The following ATL2 variants were observed in gnomAD, a reference collection of about 807,000 sequenced individuals.
The protein encoded by ATL2 is atlastin GTPase 2.
Under a neutral mutation model 73.9 loss-of-function variants are expected in ATL2, and 31 were observed. The ratio of observed to expected loss-of-function variants is 0.42; its 90% confidence interval spans 0.32 to 0.57. The LOEUF (loss-of-function observed/expected upper bound fraction) is 0.57. Among genes scored for constraint, ATL2 ranks in the 20% least tolerant of loss-of-function variants. ATL2 has a pLI of 0.14. For missense variants in ATL2, 738 were observed against 702.6 expected, an observed-to-expected ratio of 1.05 and a Z score of -0.57; for synonymous variants, 291 against 237.5, an observed-to-expected ratio of 1.23 and a Z score of -2.07.
rs1052518881 is a variant in ATL2 at position 38,339,828 on chromosome 2, T to A, written c.363+3440A>T. 1.2e-4 allele frequency among the ~76,000 whole-genome samples: 19 copies of A among 152,112 alleles called. No individual in the cohort carries two copies. In the East Asian group the frequency reaches 3.3e-3, roughly 26 times the overall value. On this transcript the variant is annotated intron_variant, in intron 2 of 12. Transcript: ENST00000378954. Reference sequence around the variant, plus strand: ...GCCTCAGCCTCCCAAGTAACTGGGATTACAGGTGCATGCCACCGCGCCCAG... The same window carrying A: ...GCCTCAGCCTCCCAAGTAACTGGGAATACAGGTGCATGCCACCGCGCCCAG...
intron 9 of ATL2, among the ~76,000 whole-genome samples, chr2:38,304,395 G>A (rs969072072): frequency 6.6e-6 from 1 of 152,218 alleles, no homozygotes; most frequent in Non-Finnish European, 1.5e-5. Flanking sequence ...AAATGTTAAA[G>A]AGAGTTCTTC....
intron 1 of ATL2, among the ~76,000 whole-genome samples, chr2:38,353,697 T>A (rs1439590595): frequency 6.6e-6 from 1 of 152,214 alleles, no homozygotes; most frequent in Non-Finnish European, 1.5e-5. Context: ...CAAGTAATTA[T>A]TGTATAGTTA....
chr2:38,356,626 G>C (rs1417758908), intron 1 of ATL2, among the ~76,000 whole-genome samples: 1 of 152,270 alleles, frequency 6.6e-6, no homozygotes, highest in Admixed American at 6.5e-5. Flanking sequence ...TGAAAAAGTA[G>C]ACATGTATAA....
At chr2:38,341,366 G>A (rs1334061697) in intron 2 of ATL2, among the ~76,000 whole-genome samples, 2 of 152,136 alleles carry the variant, frequency 1.3e-5, no homozygotes, top group Admixed American at 1.3e-4. Flanking sequence ...GCTGAGCATG[G>A]TGGCTCATAC....
chr2:38,357,284 C>T (rs1558447716), intron 1 of ATL2, among the ~76,000 whole-genome samples: 3 of 151,934 alleles, frequency 2.0e-5, no homozygotes, highest in Non-Finnish European at 2.9e-5. Context: ...GCCAAGATCA[C>T]GCCACTGCAC....
intron 1 of ATL2, chr2:38,376,273 G>A (rs1671959326): frequency 9.5e-6 from 13 of 1,375,188 alleles, no homozygotes; most frequent in South Asian, 3.5e-5. Flanking sequence ...ATGAGTGAGA[G>A]GGATACACTG....
At chr2:38,368,486 A>G (rs1312106813) in intron 1 of ATL2, among the ~76,000 whole-genome samples, 1 of 151,798 alleles carries the variant, frequency 6.6e-6, no homozygotes, top group African/African-American at 2.4e-5. Context: ...TCCCCACCTC[A>G]GGTGATCCGC....
chr2:38,351,273 A>G (rs1025919138), intron 1 of ATL2, among the ~76,000 whole-genome samples: 3 of 152,166 alleles, frequency 2.0e-5, no homozygotes. Flanking sequence ...ATTCTAGCAC[A>G]TATTTTTTAA....
At chr2:38,333,378 T>C (rs1669115580) in intron 2 of ATL2, among the ~76,000 whole-genome samples, 1 of 152,034 alleles carries the variant, frequency 6.6e-6, no homozygotes, top group African/African-American at 2.4e-5. Context: ...GGGAGTTAAT[T>C]ACCTTAAAAA....
At chr2:38,308,184 C>A (rs1218356329) in intron 9 of ATL2, among the ~76,000 whole-genome samples, 1 of 152,160 alleles carries the variant, frequency 6.6e-6, no homozygotes, top group Non-Finnish European at 1.5e-5. Flanking sequence ...GTCACTACAG[C>A]TACAATTTGG....
At chr2:38,376,265 G>C (rs2124514671) in intron 1 of ATL2, 1 of 1,398,086 alleles carries the variant, frequency 7.2e-7, no homozygotes. Flanking sequence ...GGGGTGTTAT[G>C]AGTGAGAGGG....
intron 2 of ATL2, among the ~76,000 whole-genome samples, chr2:38,327,486 T>G (rs772818855): frequency 3.0e-5 from 4 of 133,170 alleles, no homozygotes; most frequent in African/African-American, 5.6e-5. Context: ...AGTAAAATGT[T>G]CAATTAAAAT....
intron 8 of ATL2, 45 bp from the exon 9 acceptor site, chr2:38,309,551 A>T: frequency 6.3e-7 from 1 of 1,574,906 alleles, no homozygotes; most frequent in Non-Finnish European, 8.6e-7. Context: ...AAAAAAAATT[A>T]GGTCCCCACT....
intron 1 of ATL2, 81 bp from the exon 2 acceptor site, chr2:38,343,593 T>C: frequency 7.5e-7 from 1 of 1,341,182 alleles, no homozygotes; most frequent in Non-Finnish European, 1.0e-6. Flanking sequence ...TAAAGCAAAA[T>C]TTCAAGTAAG....
chr2:38,340,740 C>T (rs765670954), intron 2 of ATL2, among the ~76,000 whole-genome samples: 9 of 152,168 alleles, frequency 5.9e-5, no homozygotes, highest in Admixed American at 2.0e-4. Context: ...TGACCCACCA[C>T]ATGATCAGTT....
intron 2 of ATL2, among the ~76,000 whole-genome samples, chr2:38,324,266 G>A (rs374860759): frequency 3.3e-5 from 5 of 152,196 alleles, no homozygotes; most frequent in East Asian, 1.9e-4. Context: ...CAACAAAAGC[G>A]AAACTCAGTC....
chr2:38,343,694 T>C (rs2124410980), intron 1 of ATL2, among the ~76,000 whole-genome samples, 182 bp from the exon 2 acceptor site: 1 of 152,140 alleles, frequency 6.6e-6, no homozygotes, highest in East Asian at 1.9e-4. Context: ...CTGATAAGAT[T>C]TCCCACTTGA....
rs114096962 is a variant in ATL2, at chr2:38,298,289, C to A, written c.1487G>T (p.Gly496Val). ...ACACAAGACAGCTATAGAGTTTAGG[C>A]CAATGAAGCCAGTCAGTCCTGAGAT... ...YIISGLTGFI[G>V]LNSIAVLCNL... Residue 496 changes from glycine to valine, a missense_variant, in exon 12 of 13, where the codon GGC (glycine) becomes GTC (valine). Gly to Val is a moderately radical substitution (Grantham distance 109). Transcript: ENST00000378954. The A allele has an allele frequency of 6.2e-7, 1 of 1,614,116 alleles. No homozygotes were observed. The highest frequency in any genetic ancestry group is 2.2e-5 in the East Asian group (1 of 44,886).
chr2:38,304,575 T>C (rs1156854338), intron 9 of ATL2, among the ~76,000 whole-genome samples: 1 of 152,192 alleles, frequency 6.6e-6, no homozygotes, highest in African/African-American at 2.4e-5. Context: ...TAAAAAATAT[T>C]AATTAACAAC....
Sources: allele counts gnomAD v4.1 joint callset (sites outside exome capture counted in the v4.1 genomes callset), GRCh38; gene constraint gnomAD v4.1.1; transcripts MANE v1.5; gene names NCBI Gene and HGNC (gene_info 2026-07-23, HGNC 2026-07-21).